Variants in EPHA5 observed in about 807,000 individuals in gnomAD.
EPHA5 encodes the protein ephrin type-A receptor 5.
In EPHA5, 60 loss-of-function variants were observed where a neutral mutation model predicts 105.0. The observed-to-expected ratio is 0.57, with a 90% CI of 0.46 to 0.71. The LOEUF is 0.71. Ranked by LOEUF, EPHA5 falls within the 30% of genes least tolerant of loss-of-function variation. EPHA5 has a pLI of 0.00. For synonymous variants in EPHA5, 513 were observed against 449.1 expected, an observed-to-expected ratio of 1.14 and a Z score of -1.80; for missense variants, 1,218 against 1,274.7, an observed-to-expected ratio of 0.96 and a Z score of 0.68.
chr4:65,475,429 T>G (rs1456239312), intron 5 of EPHA5, among the ~76,000 whole-genome samples: 2 of 152,164 alleles, frequency 1.3e-5, no homozygotes, highest in Admixed American at 6.5e-5. Flanking sequence ...AAAGGACTCA[T>G]GCATATGCTT....
chr4:65,388,373 G>C lies in EPHA5; in HGVS notation c.1793+16001C>G, dbSNP rs1720345183. Among the ~76,000 whole-genome samples the C allele has an allele frequency of 2.0e-5, 3 of 151,946 alleles. No individual in the cohort carries two copies. The South Asian group carries it at 6.2e-4, about 32-fold the overall frequency. On this transcript the variant is annotated intron_variant, in intron 8 of 16. Transcript: ENST00000613740. ...GGGTCAAATGGTATTTCTACTGCTAGATCCCTGAGGAATCGCCACACTGAC... is the reference window on the plus strand; with the variant it reads ...GGGTCAAATGGTATTTCTACTGCTACATCCCTGAGGAATCGCCACACTGAC...
rs369192567 is a variant in EPHA5 at position 65,490,726 on chromosome 4, T to C, written c.1067-14A>G. The stretch of plus-strand genomic sequence containing the variant: ...CAGAGGGGGGTCCTGGTTTACAAAG[T>C]AAAGTAAGAAAAACATATTTTAAGA... On this transcript the variant is annotated splice_polypyrimidine_tract_variant and intron_variant, in intron 4 of 16. Transcript: ENST00000613740. 1 of 1,607,600 alleles carries C rather than the reference T, an allele frequency of 6.2e-7. No individual in the cohort carries two copies.
At chr4:65,483,891 A>T (rs1306215183) in intron 5 of EPHA5, among the ~76,000 whole-genome samples, 1 of 152,148 alleles carries the variant, frequency 6.6e-6, no homozygotes, top group Non-Finnish European at 1.5e-5. Flanking sequence ...GTAAACATAA[A>T]TCCCTGGGAG....
chr4:65,427,726 C>T (rs1372228628), intron 5 of EPHA5, among the ~76,000 whole-genome samples: 1 of 152,132 alleles, frequency 6.6e-6, no homozygotes, highest in Non-Finnish European at 1.5e-5. Flanking sequence ...ATTACAAAAC[C>T]TACATCCAAT....
chr4:65,421,753 G>A (rs1222915447), intron 5 of EPHA5, among the ~76,000 whole-genome samples: 2 of 152,026 alleles, frequency 1.3e-5, no homozygotes, highest in Non-Finnish European at 2.9e-5. Flanking sequence ...AATTGATTTG[G>A]TTTAGTTCAC....
chr4:65,525,480 T>G (rs549145429), intron 3 of EPHA5, among the ~76,000 whole-genome samples: 2 of 151,942 alleles, frequency 1.3e-5, no homozygotes, highest in South Asian at 4.1e-4. Flanking sequence ...GGATCAATGT[T>G]TGCTACAAGT....
At chr4:65,594,491 G>A (rs1188001703) in intron 3 of EPHA5, among the ~76,000 whole-genome samples, 1 of 152,122 alleles carries the variant, frequency 6.6e-6, no homozygotes. Context: ...TTACTGTAAA[G>A]ATGAGGTATA....
chr4:65,619,364 A>G (rs988730215), intron 2 of EPHA5, among the ~76,000 whole-genome samples: 5 of 152,180 alleles, frequency 3.3e-5, no homozygotes, highest in African/African-American at 1.2e-4. Context: ...ATATGTATAT[A>G]TAGGCATACA....
chr4:65,402,484 C>A (rs1228274990), intron 8 of EPHA5, among the ~76,000 whole-genome samples: 1 of 152,120 alleles, frequency 6.6e-6, no homozygotes, highest in Admixed American at 6.6e-5. Flanking sequence ...CCAGTAAATT[C>A]ACTGTGCTAA....
At chr4:65,449,924 A>G (rs1161838060) in intron 5 of EPHA5, among the ~76,000 whole-genome samples, 1 of 151,986 alleles carries the variant, frequency 6.6e-6, no homozygotes, top group East Asian at 1.9e-4. Flanking sequence ...CTCTGTCTAC[A>G]TCTTGATTTT....
chr4:65,513,042 A>T (rs1249984629), intron 3 of EPHA5, among the ~76,000 whole-genome samples: 1 of 152,166 alleles, frequency 6.6e-6, no homozygotes, highest in Non-Finnish European at 1.5e-5. Flanking sequence ...AGAAAGAGGG[A>T]ATCTCAAATT....
chr4:65,443,895 G>A (rs1407769096), intron 5 of EPHA5, among the ~76,000 whole-genome samples: 3 of 128,808 alleles, frequency 2.3e-5, no homozygotes, highest in Admixed American at 8.1e-5. Flanking sequence ...ACTTGCAGAT[G>A]TTTGTGTGCC....
At chr4:65,569,430 A>G (rs1194501932) in intron 3 of EPHA5, among the ~76,000 whole-genome samples, 4 of 151,682 alleles carry the variant, frequency 2.6e-5, no homozygotes, top group South Asian at 4.1e-4. Context: ...ATATCAGTAT[A>G]AGAATAGAAT....
At chr4:65,507,132 C>T (rs530977396) in intron 3 of EPHA5, among the ~76,000 whole-genome samples, 1 of 152,198 alleles carries the variant, frequency 6.6e-6, no homozygotes, top group South Asian at 2.1e-4. Context: ...GAATCCTTTC[C>T]CCATTGCTTG....
chr4:65,592,365 G>A (rs190815407), intron 3 of EPHA5, among the ~76,000 whole-genome samples: 2 of 152,174 alleles, frequency 1.3e-5, no homozygotes, highest in East Asian at 1.9e-4. Flanking sequence ...GGATGAGGCA[G>A]GCTCTGGGAA....
intron 3 of EPHA5, among the ~76,000 whole-genome samples, chr4:65,513,039 G>A (rs1733770949): frequency 5.3e-5 from 8 of 152,174 alleles, no homozygotes; most frequent in African/African-American, 9.7e-5. Context: ...TAGAGAAAGA[G>A]GGAATCTCAA....
intron 3 of EPHA5, among the ~76,000 whole-genome samples, chr4:65,576,054 GAAAGAAAAGAAAAGAAAAGAAAAGA>G: frequency 2.5e-5 from 2 of 81,584 alleles, no homozygotes; most frequent in South Asian, 9.3e-4. Flanking sequence ...AAGAAAGAAA[GAAAGAAAAGAAAAGAAAAGAAAAGA>G]AAAGAAAAGA....
chr4:65,448,099 G>A (rs1180104323), intron 5 of EPHA5, among the ~76,000 whole-genome samples: 1 of 147,506 alleles, frequency 6.8e-6, no homozygotes, highest in East Asian at 2.1e-4. Context: ...AAATCATAAA[G>A]ACAATAAAAA....
At position 65,450,655 on chromosome 4, in the gene EPHA5, A is replaced by G. The variant is rs1726977736; in HGVS notation, c.1403-30090T>C. 4.6e-5 allele frequency among the ~76,000 whole-genome samples: 7 copies of G among 152,326 alleles called. No individual in the cohort carries two copies. In the South Asian group the frequency reaches 1.4e-3, roughly 32 times the overall value. On this transcript the variant is annotated intron_variant, in intron 5 of 16. Coordinates refer to ENST00000613740, the MANE Select transcript of EPHA5 (RefSeq NM_001281766.3). ...ACAATTAAACCTAGAGATAATTATA[A>G]TACCAGCCCAATGTTTGGATTAAAA...
Sources: gnomAD v4.1 joint callset for allele counts (sites outside exome capture counted in the v4.1 genomes callset) on GRCh38, gnomAD v4.1.1 for gene constraint, MANE v1.5 for transcripts, NCBI Gene and HGNC (gene_info 2026-07-23, HGNC 2026-07-21) for gene names.